DLG2: variants seen among roughly 807,000 people sequenced by gnomAD.
DLG2 encodes disks large homolog 2.
In DLG2, 45 loss-of-function variants were observed where a neutral mutation model predicts 132.5. That is an observed-to-expected ratio of 0.34 (90% CI 0.27 to 0.44). The LOEUF (loss-of-function observed/expected upper bound fraction) is 0.44, where lower values mean the gene tolerates loss of function less well. Among genes scored for constraint, DLG2 ranks in the 20% least tolerant of loss-of-function variants. The pLI is 1.00. For synonymous variants in DLG2, 424 were observed against 419.6 expected, an observed-to-expected ratio of 1.01 and a Z score of -0.13; for missense variants, 1,045 against 1,196.9, an observed-to-expected ratio of 0.87 and a Z score of 1.87.
At chr11:85,547,142 T>C (rs1388075328) in intron 3 of DLG2, among the ~76,000 whole-genome samples, 1 of 152,144 alleles carries the variant, frequency 6.6e-6, no homozygotes, top group Non-Finnish European at 1.5e-5. Flanking sequence ...TGGTTGATCC[T>C]TTCCATGTTT....
intron 19 of DLG2, among the ~76,000 whole-genome samples, chr11:83,622,304 G>A (rs1301354877): frequency 2.6e-5 from 4 of 152,144 alleles, no homozygotes; most frequent in Non-Finnish European, 5.9e-5. Context: ...GCAGGTCCTG[G>A]GCAACCCATT....
chr11:83,857,587 T>A (rs1057496821), intron 16 of DLG2, among the ~76,000 whole-genome samples: 3 of 152,208 alleles, frequency 2.0e-5, no homozygotes, highest in Admixed American at 2.0e-4. Flanking sequence ...CTATTTTGTA[T>A]GACACCATAA....
At chr11:84,611,995 G>T (rs1270575271) in intron 6 of DLG2, among the ~76,000 whole-genome samples, 1 of 152,120 alleles carries the variant, frequency 6.6e-6, no homozygotes, top group Non-Finnish European at 1.5e-5. Context: ...GTACAATTTA[G>T]AAGTTTTGAG....
chr11:85,446,793 A>ATGTGTGTG (rs35097336), intron 3 of DLG2, among the ~76,000 whole-genome samples: 11 of 145,112 alleles, frequency 7.6e-5, no homozygotes, highest in African/African-American at 1.8e-4. Flanking sequence ...GATATAGTAT[A>ATGTGTGTG]TGTGTGTGTG....
rs2093627843 is a variant in DLG2 at position 83,990,193 on chromosome 11, A to C, written c.920-9551T>G. ...GAATATTTCAGTACTCTAGTAAAAG[A>C]AAAAGGCATGCCAAATTTAAGCACC... On this transcript the variant is annotated intron_variant, in intron 11 of 27. Transcript: ENST00000376104. Among the ~76,000 whole-genome samples the C allele has an allele frequency of 2.6e-5, 4 of 152,206 alleles. No homozygotes were observed. In the South Asian group the frequency reaches 8.3e-4, roughly 31 times the overall value.
At chr11:84,687,604 T>C (rs1031749570) in intron 6 of DLG2, among the ~76,000 whole-genome samples, 2 of 152,178 alleles carry the variant, frequency 1.3e-5, no homozygotes, top group African/African-American at 4.8e-5. Flanking sequence ...ATTTCACTCT[T>C]ATGACTCATT....
intron 7 of DLG2, among the ~76,000 whole-genome samples, chr11:84,513,298 A>C (rs1283355778): frequency 2.6e-5 from 4 of 152,068 alleles, no homozygotes; most frequent in African/African-American, 9.7e-5. Flanking sequence ...CTATAAAAAT[A>C]CCAATGACAT....
chr11:83,830,566 A>G, intron 17 of DLG2, among the ~76,000 whole-genome samples: 1 of 152,252 alleles, frequency 6.6e-6, no homozygotes, highest in Non-Finnish European at 1.5e-5. Flanking sequence ...ACTCAAAAGT[A>G]CCATGTAAGT....
chr11:85,394,276 C>T (rs1231269139), intron 3 of DLG2, among the ~76,000 whole-genome samples: 1 of 152,136 alleles, frequency 6.6e-6, no homozygotes. Flanking sequence ...ATCAACACAT[C>T]ATGTGGTACA....
intron 3 of DLG2, among the ~76,000 whole-genome samples, chr11:85,463,118 G>C (rs923806880): frequency 1.3e-5 from 2 of 152,220 alleles, no homozygotes; most frequent in African/African-American, 2.4e-5. Context: ...AAACTACCCA[G>C]TGTATAGTAT....
rs908203405 is a variant in DLG2 at position 83,886,526 on chromosome 11, A to T, written c.1497-12038T>A. Reference sequence around the variant, plus strand: ...AGACTTTAACACCCCACTGTCAACAATAGACAGATGAATGAGACAGAAAGT... The same window carrying T: ...AGACTTTAACACCCCACTGTCAACATTAGACAGATGAATGAGACAGAAAGT... On this transcript the variant is annotated intron_variant, in intron 15 of 27. Transcript: ENST00000376104. Among the ~76,000 whole-genome samples, 14 of 152,246 alleles carry T rather than the reference A, an allele frequency of 9.2e-5. No homozygotes were observed. The South Asian group carries it at 1.0e-3, about 11-fold the overall frequency.
chr11:85,267,401 T>C (rs138236747), intron 4 of DLG2, among the ~76,000 whole-genome samples: 1 of 152,348 alleles, frequency 6.6e-6, no homozygotes, highest in African/African-American at 2.4e-5. Context: ...CTGACTTAGA[T>C]ACATTTGCTA....
intron 7 of DLG2, among the ~76,000 whole-genome samples, chr11:84,382,859 G>A (rs758677049): frequency 1.2e-4 from 18 of 146,694 alleles, no homozygotes; most frequent in African/African-American, 4.5e-4. Context: ...GCGACAGAGC[G>A]AGACTCCGTC....
At chr11:83,563,902 C>CT (rs1416498790) in intron 19 of DLG2, among the ~76,000 whole-genome samples, 2 of 152,204 alleles carry the variant, frequency 1.3e-5, no homozygotes, top group African/African-American at 4.8e-5. Flanking sequence ...GTCTCAAGCA[C>CT]TTCACTGTCT....
At chr11:84,788,515 T>C (rs972298443) in intron 6 of DLG2, among the ~76,000 whole-genome samples, 1 of 152,166 alleles carries the variant, frequency 6.6e-6, no homozygotes, top group Non-Finnish European at 1.5e-5. Flanking sequence ...GCATTTTCTC[T>C]TTCATTTATA....
At chr11:84,593,270 T>C (rs1415293297) in intron 6 of DLG2, among the ~76,000 whole-genome samples, 1 of 152,118 alleles carries the variant, frequency 6.6e-6, no homozygotes, top group Non-Finnish European at 1.5e-5. Context: ...AGAAATACCA[T>C]TTGACCGCCA....
At chr11:85,212,115 A>G (rs763669560) in intron 4 of DLG2, among the ~76,000 whole-genome samples, 2 of 152,034 alleles carry the variant, frequency 1.3e-5, no homozygotes, top group Non-Finnish European at 2.9e-5. Flanking sequence ...TATATCCCCT[A>G]TATCCATTCA....
At chr11:84,879,514 G>A (rs1721264538) in intron 6 of DLG2, among the ~76,000 whole-genome samples, 1 of 152,104 alleles carries the variant, frequency 6.6e-6, no homozygotes. Context: ...TTGTGTGTGG[G>A]TGGTATTCCA....
chr11:83,742,278 AC>A (rs1462772798), intron 18 of DLG2, among the ~76,000 whole-genome samples: 3 of 151,526 alleles, frequency 2.0e-5, no homozygotes, highest in African/African-American at 7.3e-5. Flanking sequence ...TGTTAATTTG[AC>A]TGACTGTAGT....
Sources: gnomAD v4.1 joint callset for allele counts (sites outside exome capture counted in the v4.1 genomes callset) on GRCh38, gnomAD v4.1.1 for gene constraint, MANE v1.5 for transcripts, NCBI Gene and HGNC (gene_info 2026-07-23, HGNC 2026-07-21) for gene names.